Variants in PIP4K2A observed in about 807,000 individuals in gnomAD.
PIP4K2A encodes the protein phosphatidylinositol 5-phosphate 4-kinase type-2 alpha.
Under a neutral mutation model 42.9 loss-of-function variants are expected in PIP4K2A, and 14 were observed. The ratio of observed to expected loss-of-function variants is 0.33; its 90% confidence interval spans 0.22 to 0.51. PIP4K2A has a LOEUF of 0.51. PIP4K2A is among the 20% of genes least tolerant of loss of function. The probability of loss-of-function intolerance (pLI) is 0.97; values close to 1 mark genes in which losing one functional copy is unlikely to be tolerated. For synonymous variants in PIP4K2A, 192 were observed against 192.2 expected (o/e 1.00, Z 0.01); for missense variants, 434 against 519.8 (o/e 0.83, Z 1.61).
chr10:22,632,352 T>G lies in PIP4K2A; in HGVS notation c.145-22635A>C, dbSNP rs547681531. Among the ~76,000 whole-genome samples the G allele has an allele frequency of 4.0e-3, 608 of 152,308 alleles. 2 individuals are homozygous for G. The highest frequency in any genetic ancestry group is 0.014 in the African/African-American group (582 of 41,564). On this transcript the variant is annotated intron_variant, in intron 1 of 9. Transcript: ENST00000376573. ...GAAGGCCATATGGGAGTTCTTTGTA[T>G]TATTTTTGCTACATTTTTATGTCTG... is the stretch of plus-strand genomic sequence containing the variant.
chr10:22,569,401 G>A (rs979787797), intron 5 of PIP4K2A, among the ~76,000 whole-genome samples: 2 of 152,144 alleles, frequency 1.3e-5, no homozygotes, highest in Non-Finnish European at 2.9e-5. Context: ...CCCATTCTAC[G>A]ACCACAGTCC....
intron 3 of PIP4K2A, among the ~76,000 whole-genome samples, chr10:22,597,810 T>G (rs562926908): frequency 6.6e-6 from 1 of 152,280 alleles, no homozygotes; most frequent in South Asian, 2.1e-4. Context: ...GAGATGAAGC[T>G]GATCCTACCT....
intron 4 of PIP4K2A, among the ~76,000 whole-genome samples, chr10:22,582,366 G>A (rs573292367): frequency 4.0e-5 from 6 of 151,750 alleles, no homozygotes; most frequent in Non-Finnish European, 8.8e-5. Context: ...TTCTCATGGA[G>A]AATGAAATGC....
intron 1 of PIP4K2A, among the ~76,000 whole-genome samples, chr10:22,675,995 T>A (rs961327750): frequency 6.6e-6 from 1 of 152,244 alleles, no homozygotes; most frequent in Non-Finnish European, 1.5e-5. Flanking sequence ...AGACACACTG[T>A]TGCCATTTCT....
intron 7 of PIP4K2A, among the ~76,000 whole-genome samples, chr10:22,548,321 T>C (rs904926671): frequency 1.3e-5 from 2 of 152,234 alleles, no homozygotes; most frequent in Admixed American, 6.5e-5. Flanking sequence ...TAGAGTCCTC[T>C]AATCAATGGT....
intron 7 of PIP4K2A, among the ~76,000 whole-genome samples, chr10:22,543,956 A>G (rs576651454): frequency 1.3e-5 from 2 of 152,282 alleles, no homozygotes; most frequent in African/African-American, 2.4e-5. Flanking sequence ...CAGCTGGACG[A>G]GAGTGCAAGG....
At chr10:22,708,125 T>C (rs1037251584) in intron 1 of PIP4K2A, among the ~76,000 whole-genome samples, 1 of 152,126 alleles carries the variant, frequency 6.6e-6, no homozygotes, top group Non-Finnish European at 1.5e-5. Context: ...CAGGGATTCC[T>C]AACAAAATGG....
intron 1 of PIP4K2A, among the ~76,000 whole-genome samples, chr10:22,650,283 T>C (rs1342461485): frequency 6.6e-6 from 1 of 152,142 alleles, no homozygotes; most frequent in Non-Finnish European, 1.5e-5. Context: ...AGACTGGGTA[T>C]CCCTTTGTCA....
At chr10:22,596,383 G>A (rs1837636452) in intron 3 of PIP4K2A, among the ~76,000 whole-genome samples, 1 of 152,056 alleles carries the variant, frequency 6.6e-6, no homozygotes, top group African/African-American at 2.4e-5. Flanking sequence ...AGGACACCTG[G>A]GCTGAGATGA....
intron 1 of PIP4K2A, among the ~76,000 whole-genome samples, chr10:22,667,923 GGGGAGGGA>G (rs1839380439): frequency 7.6e-6 from 1 of 131,602 alleles, no homozygotes; most frequent in Non-Finnish European, 1.7e-5. Flanking sequence ...GTGTAGAGAG[GGGGAGGGA>G]GGGAGACAGA....
chr10:22,596,287 G>A (rs1837634215), intron 3 of PIP4K2A, among the ~76,000 whole-genome samples: 1 of 151,422 alleles, frequency 6.6e-6, no homozygotes, highest in South Asian at 2.1e-4. Flanking sequence ...GGCCTCGGAA[G>A]GTGACTCAGG....
At chr10:22,611,654 T>C (rs1838042779) in intron 1 of PIP4K2A, among the ~76,000 whole-genome samples, 1 of 152,236 alleles carries the variant, frequency 6.6e-6, no homozygotes, top group African/African-American at 2.4e-5. Context: ...TCCAGTTCAC[T>C]TTACTCAAGC....
intron 1 of PIP4K2A, among the ~76,000 whole-genome samples, chr10:22,680,428 T>C (rs918055032): frequency 6.6e-6 from 1 of 152,236 alleles, no homozygotes; most frequent in African/African-American, 2.4e-5. Context: ...ATTGTTTTTA[T>C]AATCATAAAA....
intron 6 of PIP4K2A, among the ~76,000 whole-genome samples, chr10:22,552,790 C>A (rs1042044944): frequency 2.0e-5 from 3 of 152,072 alleles, no homozygotes; most frequent in Admixed American, 6.5e-5. Context: ...TATGTGTTGG[C>A]GATGGGAGGC....
chr10:22,612,134 G>T (rs1418922527), intron 1 of PIP4K2A, among the ~76,000 whole-genome samples: 1 of 152,212 alleles, frequency 6.6e-6, no homozygotes, highest in Middle Eastern at 3.2e-3. Context: ...TTTCCTTATT[G>T]ATTTTCCTTC....
chr10:22,585,265 T>C (rs1162057265), intron 4 of PIP4K2A, among the ~76,000 whole-genome samples: 1 of 152,156 alleles, frequency 6.6e-6, no homozygotes, highest in Non-Finnish European at 1.5e-5. Context: ...AGAAGTCACA[T>C]GTTTGCCCTA....
chr10:22,562,134 T>C (rs887627955), intron 6 of PIP4K2A, among the ~76,000 whole-genome samples: 5 of 152,212 alleles, frequency 3.3e-5, no homozygotes, highest in East Asian at 3.9e-4. Context: ...CAATGAATGG[T>C]AGGCTTTTTG....
intron 1 of PIP4K2A, among the ~76,000 whole-genome samples, chr10:22,616,390 G>T (rs925794747): frequency 6.6e-6 from 1 of 152,116 alleles, no homozygotes; most frequent in Non-Finnish European, 1.5e-5. Context: ...ACCCAAGGGG[G>T]TAGAGGTGCT....
chr10:22,548,456 C>A (rs560158603), intron 7 of PIP4K2A, among the ~76,000 whole-genome samples: 6 of 152,182 alleles, frequency 3.9e-5, no homozygotes, highest in East Asian at 3.9e-4. Flanking sequence ...CAGAAAAAAA[C>A]CATTTTTTTA....
Sources: allele counts gnomAD v4.1 joint callset (sites outside exome capture counted in the v4.1 genomes callset), GRCh38; gene constraint gnomAD v4.1.1; transcripts MANE v1.5; gene names NCBI Gene and HGNC (gene_info 2026-07-23, HGNC 2026-07-21).